The following AGPAT5 variants were observed in gnomAD, a reference collection of about 807,000 sequenced individuals.
AGPAT5 encodes 1-acyl-sn-glycerol-3-phosphate acyltransferase epsilon.
A neutral mutation model predicts 45.6 loss-of-function variants in AGPAT5; 46 were observed. That is an observed-to-expected ratio of 1.01 (90% CI 0.80 to 1.29). AGPAT5 has a LOEUF of 1.29. AGPAT5 is among the 50% of genes most tolerant of loss of function. The pLI, the probability that AGPAT5 is intolerant of heterozygous loss-of-function variation, is 0.00. For missense variants in AGPAT5, 673 were observed against 450.7 expected, an observed-to-expected ratio of 1.49 and a Z score of -4.47; for synonymous variants, 272 against 167.0, an observed-to-expected ratio of 1.63 and a Z score of -4.85.
rs145478999 is a variant in AGPAT5, at chr8:6,738,758, T to G, written c.496-2903T>G. Among the ~76,000 whole-genome samples, 398 of 152,322 alleles carry G rather than the reference T, an allele frequency of 2.6e-3. 2 individuals carry two copies. Among genetic ancestry groups the G allele is most frequent in the African/African-American group, 9.4e-3 (389 of 41,586 alleles). ...CTTTTCCTATTTGTGAATAGTATCT[T>G]TTTTGAGTACGTGTGTTTTTTTATT... On this transcript the variant is annotated intron_variant, in intron 4 of 7. Transcript: ENST00000285518.
chr8:6,722,639 A>G (rs939772237), intron 1 of AGPAT5, among the ~76,000 whole-genome samples: 4 of 152,242 alleles, frequency 2.6e-5, no homozygotes, highest in South Asian at 2.1e-4. Context: ...AGTTAAAAAC[A>G]ACACAGATGT....
At chr8:6,745,804 T>A (rs942158330) in intron 5 of AGPAT5, 2 of 152,158 alleles carry the variant, frequency 1.3e-5, no homozygotes, top group East Asian at 3.8e-4. Flanking sequence ...CTGCCATTAC[T>A]TCAGTTATCC....
chr8:6,720,505 C>G (rs947492706), intron 1 of AGPAT5, among the ~76,000 whole-genome samples: 3 of 152,102 alleles, frequency 2.0e-5, no homozygotes, highest in African/African-American at 7.2e-5. Flanking sequence ...GTTGACCACA[C>G]AAGTTGAATG....
intron 1 of AGPAT5, among the ~76,000 whole-genome samples, chr8:6,711,840 T>A (rs1800165849): frequency 6.6e-6 from 1 of 152,256 alleles, no homozygotes; most frequent in South Asian, 2.1e-4. Context: ...CCACCTCTTC[T>A]GTCTCACATC....
At chr8:6,753,276 G>A (rs1235949383) in intron 6 of AGPAT5, among the ~76,000 whole-genome samples, 3 of 152,112 alleles carry the variant, frequency 2.0e-5, no homozygotes, top group East Asian at 1.9e-4. Context: ...TCTGACATTC[G>A]AAATGCAGTC....
At chr8:6,755,548 C>G (rs1223746662) in intron 7 of AGPAT5, among the ~76,000 whole-genome samples, 1 of 152,158 alleles carries the variant, frequency 6.6e-6, no homozygotes, top group Non-Finnish European at 1.5e-5. Flanking sequence ...GGCCAGTGTG[C>G]GCAGAAAAGC....
At chr8:6,746,098 C>T (rs2116941134) in intron 5 of AGPAT5, 1 of 145,150 alleles carries the variant, frequency 6.9e-6, no homozygotes, top group South Asian at 2.2e-4. Flanking sequence ...CCCTCTCTTC[C>T]TTCTCTCCCC....
intron 3 of AGPAT5, among the ~76,000 whole-genome samples, 170 bp from the exon 4 acceptor site, chr8:6,732,391 T>G (rs1276290986): frequency 6.6e-6 from 1 of 152,254 alleles, no homozygotes; most frequent in Non-Finnish European, 1.5e-5. Context: ...CAAGGCAATT[T>G]TCAGCTAAAT....
At chr8:6,742,744 C>T (rs1337047894) in intron 5 of AGPAT5, among the ~76,000 whole-genome samples, 1 of 152,028 alleles carries the variant, frequency 6.6e-6, no homozygotes, top group Non-Finnish European at 1.5e-5. Flanking sequence ...GCAGATATGT[C>T]ATAGGTATAT....
At chr8:6,722,606 G>A (rs28457858) in intron 1 of AGPAT5, among the ~76,000 whole-genome samples, 3,371 of 152,244 alleles carry the variant, frequency 0.022, 125 homozygotes, top group African/African-American at 0.077. Flanking sequence ...GAATCAATAG[G>A]CAGTTTATAT....
At chr8:6,730,916 C>G in intron 3 of AGPAT5, 90 bp downstream of exon 3, 1 of 794,292 alleles carries the variant, frequency 1.3e-6, no homozygotes, top group Non-Finnish European at 1.9e-6. Flanking sequence ...ATTGCTCAGG[C>G]TGAGTGCAGT....
intron 4 of AGPAT5, among the ~76,000 whole-genome samples, chr8:6,739,323 C>G (rs979272559): frequency 4.6e-5 from 7 of 152,108 alleles, no homozygotes; most frequent in African/African-American, 1.7e-4. Context: ...CAATTTCTAC[C>G]CAAAGTTTGT....
intron 1 of AGPAT5, among the ~76,000 whole-genome samples, chr8:6,722,439 G>C (rs1362412524): frequency 6.6e-6 from 1 of 152,160 alleles, no homozygotes; most frequent in Non-Finnish European, 1.5e-5. Flanking sequence ...GCATGTGGAA[G>C]ACAAATGGAC....
At chr8:6,722,578 G>A (rs1369879419) in intron 1 of AGPAT5, among the ~76,000 whole-genome samples, 1 of 152,114 alleles carries the variant, frequency 6.6e-6, no homozygotes, top group Non-Finnish European at 1.5e-5. Flanking sequence ...ATGACTACCT[G>A]TTTTTAAGAT....
chr8:6,737,133 G>T (rs921982094), intron 4 of AGPAT5, among the ~76,000 whole-genome samples: 1 of 152,196 alleles, frequency 6.6e-6, no homozygotes, highest in East Asian at 1.9e-4. Flanking sequence ...AGCCTTTTAT[G>T]TTCCTAGCGC....
At chr8:6,750,046 C>T (rs1801608626) in intron 6 of AGPAT5, among the ~76,000 whole-genome samples, 1 of 152,202 alleles carries the variant, frequency 6.6e-6, no homozygotes, top group Non-Finnish European at 1.5e-5. Flanking sequence ...TTTGTGTGGC[C>T]AATCCTGCTT....
At chr8:6,748,695 C>T (rs2980658) in intron 6 of AGPAT5, among the ~76,000 whole-genome samples, 1 of 151,942 alleles carries the variant, frequency 6.6e-6, no homozygotes, top group African/African-American at 2.4e-5. Flanking sequence ...AGTAGATATG[C>T]GATTTCACCT....
At chr8:6,711,114 ACACCTTT>A (rs1284055683) in intron 1 of AGPAT5, among the ~76,000 whole-genome samples, 3 of 152,178 alleles carry the variant, frequency 2.0e-5, no homozygotes, top group Non-Finnish European at 4.4e-5. Context: ...TGACATTTTT[ACACCTTT>A]CAACTCTAGG....
intron 6 of AGPAT5, 129 bp from the exon 7 acceptor site, chr8:6,754,922 C>T (rs1489427177): frequency 1.1e-5 from 8 of 707,986 alleles, no homozygotes; most frequent in Admixed American, 7.8e-5. Flanking sequence ...GTTTATTTTT[C>T]CTAAGGAATC....
Sources: allele counts gnomAD v4.1 joint callset (sites outside exome capture counted in the v4.1 genomes callset), GRCh38; gene constraint gnomAD v4.1.1; transcripts MANE v1.5; gene names NCBI Gene and HGNC (gene_info 2026-07-23, HGNC 2026-07-21).